Variants in PTPN4 observed in about 807,000 individuals in gnomAD.
PTPN4 encodes protein tyrosine phosphatase non-receptor type 4.
In PTPN4, 49 loss-of-function variants were observed where a neutral mutation model predicts 135.5. That is an observed-to-expected ratio of 0.36 (90% CI 0.29 to 0.46). PTPN4 has a LOEUF of 0.46. Ranked by LOEUF, PTPN4 falls within the 20% of genes least tolerant of loss-of-function variation. PTPN4 has a pLI of 1.00. For missense variants in PTPN4, 860 were observed against 1,101.0 expected, an observed-to-expected ratio of 0.78 and a Z score of 3.10; for synonymous variants, 333 against 369.9, an observed-to-expected ratio of 0.90 and a Z score of 1.14.
At chr2:119,904,755 T>G (rs1460689210) in intron 10 of PTPN4, among the ~76,000 whole-genome samples, 2 of 152,134 alleles carry the variant, frequency 1.3e-5, no homozygotes, top group African/African-American at 4.8e-5. Context: ...AAACTGCAGA[T>G]AAACCAGTAG....
At chr2:119,774,518 G>A (rs1017201403) in intron 1 of PTPN4, among the ~76,000 whole-genome samples, 2 of 152,160 alleles carry the variant, frequency 1.3e-5, no homozygotes, top group Non-Finnish European at 2.9e-5. Flanking sequence ...ATTGCTATTA[G>A]AAAGGCACAC....
chr2:119,917,871 A>G (rs1029200893), intron 11 of PTPN4, among the ~76,000 whole-genome samples: 1 of 152,142 alleles, frequency 6.6e-6, no homozygotes, highest in African/African-American at 2.4e-5. Flanking sequence ...CTCAGTACAA[A>G]TTTTTTTGTG....
At chr2:119,778,503 C>T (rs368741137) in intron 1 of PTPN4, among the ~76,000 whole-genome samples, 1 of 152,090 alleles carries the variant, frequency 6.6e-6, no homozygotes, top group Non-Finnish European at 1.5e-5. Context: ...CACATACTTA[C>T]GTGAATAAAC....
intron 10 of PTPN4, among the ~76,000 whole-genome samples, chr2:119,910,477 A>G (rs1678555388): frequency 6.6e-6 from 1 of 152,166 alleles, no homozygotes; most frequent in East Asian, 1.9e-4. Flanking sequence ...CATTAAAAGC[A>G]TAATAAAATC....
intron 2 of PTPN4, among the ~76,000 whole-genome samples, chr2:119,844,354 C>A (rs1338264783): frequency 2.9e-5 from 4 of 136,110 alleles, no homozygotes; most frequent in South Asian, 2.4e-4. Context: ...GGCTGACCCC[C>A]CCCCCCCACC....
chr2:119,890,613 T>C (rs1678226652), intron 9 of PTPN4, among the ~76,000 whole-genome samples: 1 of 152,162 alleles, frequency 6.6e-6, no homozygotes, highest in East Asian at 1.9e-4. Context: ...TATAGGTTGT[T>C]GTTTTGATGG....
chr2:119,949,069 A>C (rs968371672), intron 18 of PTPN4, among the ~76,000 whole-genome samples: 5 of 152,200 alleles, frequency 3.3e-5, no homozygotes, highest in African/African-American at 9.6e-5. Context: ...GTTTTCAATT[A>C]AGTCAAGGAT....
chr2:119,895,896 A>G (rs3111724), intron 9 of PTPN4, among the ~76,000 whole-genome samples: 64,140 of 149,520 alleles, frequency 0.43, 15,626 homozygotes, highest in African/African-American at 0.67. Context: ...CAGCCTGGGC[A>G]ATAGAGCCAG....
At chr2:119,779,804 G>T (rs555727129) in intron 1 of PTPN4, among the ~76,000 whole-genome samples, 35 of 152,262 alleles carry the variant, frequency 2.3e-4, no homozygotes, top group East Asian at 3.9e-4. Context: ...AAGGGCAGTG[G>T]TGTGATCTTG....
rs560685104 is a variant in PTPN4, at chr2:119,786,812, G to A, written c.-17-23025G>A. On this transcript the variant is annotated intron_variant, in intron 1 of 26. Transcript: ENST00000263708. ...GGCAAAATTGTAGAAAATTGTTGCTGTCATTTTTGTTAAAATACAATCTGC... is the reference window on the plus strand; with the variant it reads ...GGCAAAATTGTAGAAAATTGTTGCTATCATTTTTGTTAAAATACAATCTGC... Among the ~76,000 whole-genome samples the A allele has an allele frequency of 2.0e-5, 3 of 152,130 alleles. No individual in the cohort carries two copies. The South Asian group carries it at 6.2e-4, about 32-fold the overall frequency.
chr2:119,849,159 T>C (rs1677553372), intron 2 of PTPN4, among the ~76,000 whole-genome samples: 1 of 152,248 alleles, frequency 6.6e-6, no homozygotes, highest in Admixed American at 6.5e-5. Flanking sequence ...ATATTTATAA[T>C]GACTGCTTTG....
At chr2:119,907,436 T>A (rs1333980197) in intron 10 of PTPN4, among the ~76,000 whole-genome samples, 3 of 151,696 alleles carry the variant, frequency 2.0e-5, no homozygotes, top group Non-Finnish European at 4.4e-5. Context: ...CTCGTCTCTA[T>A]AAAAAATATT....
intron 26 of PTPN4, among the ~76,000 whole-genome samples, chr2:119,973,348 C>A (rs948921815): frequency 2.0e-5 from 3 of 152,140 alleles, no homozygotes; most frequent in Non-Finnish European, 4.4e-5. Flanking sequence ...TCCTTCCTTT[C>A]TAAGGGTGAA....
intron 1 of PTPN4, among the ~76,000 whole-genome samples, chr2:119,807,757 G>A (rs188704282): frequency 6.6e-6 from 1 of 152,094 alleles, no homozygotes; most frequent in African/African-American, 2.4e-5. Context: ...CCAAAGCCTG[G>A]CAGAGACACA....
At chr2:119,952,251 G>C (rs1254635509) in intron 19 of PTPN4, 122 bp downstream of exon 19, 1 of 859,216 alleles carries the variant, frequency 1.2e-6, no homozygotes, top group Non-Finnish European at 1.7e-6. Flanking sequence ...AAAGCACAGT[G>C]GCTTTCATTG....
chr2:119,844,302 G>A (rs1475441184), intron 2 of PTPN4, among the ~76,000 whole-genome samples: 25 of 134,466 alleles, frequency 1.9e-4, no homozygotes, highest in African/African-American at 2.8e-4. Context: ...CCTCCCTCCC[G>A]GACGGGGCGG....
In PTPN4 at chr2:119,981,895, T is replaced by C. The variant is rs1679702086; in HGVS notation, c.*4825T>C. The C allele has an allele frequency of 6.6e-6, 1 of 152,188 alleles. No individual in the cohort carries two copies. Among genetic ancestry groups the C allele is most frequent in the African/African-American group, 2.4e-5 (1 of 41,460 alleles). The allele number at this position is 152,188 out of a possible 1,614,324, so 9.4% of individuals were successfully genotyped here. On this transcript the variant is annotated 3_prime_UTR_variant, in exon 27 of 27. Coordinates refer to ENST00000263708, the MANE Select transcript of PTPN4 (RefSeq NM_002830.4). ...ATTTGTATGTTTTTCTACTGTAGTA[T>C]GCTATTGATTTCTGAAGTTATAATC... is the stretch of plus-strand genomic sequence containing the variant.
At chr2:119,801,977 T>G (rs1691384082) in intron 1 of PTPN4, among the ~76,000 whole-genome samples, 1 of 140,818 alleles carries the variant, frequency 7.1e-6, no homozygotes, top group African/African-American at 2.6e-5. Context: ...CTTGGCTCAC[T>G]GCAACCTCCG....
chr2:119,901,909 T>C (rs1678410222), intron 10 of PTPN4, among the ~76,000 whole-genome samples: 6 of 151,640 alleles, frequency 4.0e-5, no homozygotes, highest in Admixed American at 3.9e-4. Flanking sequence ...GATATGTCAA[T>C]AGAAACTTCA....
Sources: allele counts gnomAD v4.1 joint callset (sites outside exome capture counted in the v4.1 genomes callset), GRCh38; gene constraint gnomAD v4.1.1; transcripts MANE v1.5; gene names NCBI Gene and HGNC (gene_info 2026-07-23, HGNC 2026-07-21).